The following ZFYVE28 variants were observed in gnomAD, a reference collection of about 807,000 sequenced individuals.
ZFYVE28 encodes the protein zinc finger FYVE-type containing 28.
Under a neutral mutation model 82.1 loss-of-function variants are expected in ZFYVE28, and 40 were observed. The observed-to-expected ratio is 0.49, with a 90% CI of 0.38 to 0.63. The LOEUF is 0.63. Among genes scored for constraint, ZFYVE28 ranks in the 30% least tolerant of loss-of-function variants. The pLI, the probability that ZFYVE28 is intolerant of heterozygous loss-of-function variation, is 0.00. For missense variants in ZFYVE28, 1,321 were observed against 1,242.1 expected, an observed-to-expected ratio of 1.06 and a Z score of -0.96; for synonymous variants, 612 against 546.1, an observed-to-expected ratio of 1.12 and a Z score of -1.68.
chr4:2,352,490 G>A (rs1724627242), intron 2 of ZFYVE28, among the ~76,000 whole-genome samples: 1 of 151,820 alleles, frequency 6.6e-6, no homozygotes, highest in Non-Finnish European at 1.5e-5. Flanking sequence ...CAGAGGCAGG[G>A]CCCTGGAGCG....
chr4:2,330,629 A>C, intron 6 of ZFYVE28: 2 of 1,354,706 alleles, frequency 1.5e-6, no homozygotes, highest in Non-Finnish European at 9.5e-7. Context: ...GGGACAGCAT[A>C]GAGGAGGGGA....
chr4:2,306,816 G>T (rs1457178766), intron 7 of ZFYVE28: 1 of 152,180 alleles, frequency 6.6e-6, no homozygotes, highest in Non-Finnish European at 1.5e-5. Context: ...GTTGCCATAG[G>T]TCATTCATTC....
intron 8 of ZFYVE28, among the ~76,000 whole-genome samples, chr4:2,299,317 T>G (rs996938526): frequency 2.6e-5 from 4 of 151,924 alleles, no homozygotes; most frequent in African/African-American, 9.7e-5. Context: ...CCCCCTCAAG[T>G]TGGAGTTGGA....
At chr4:2,364,532 C>G (rs1038283345) in intron 1 of ZFYVE28, 9 of 985,412 alleles carry the variant, frequency 9.1e-6, no homozygotes, top group East Asian at 1.1e-4. Context: ...ACAGCCCAGA[C>G]GCAACAGGAG....
intron 6 of ZFYVE28, among the ~76,000 whole-genome samples, chr4:2,333,876 T>C (rs114707970): frequency 0.012 from 1,787 of 152,296 alleles, 40 homozygotes; most frequent in African/African-American, 0.04. Context: ...TCAAGTGAGT[T>C]TGGCCACAGA....
Position 2,418,208 on chromosome 4 carries a change from T to G in ZFYVE28, c.39+77A>C. 3.6e-6 allele frequency: 5 copies of G among 1,390,570 alleles called. No individual in the cohort carries two copies. Among genetic ancestry groups the G allele is most frequent in the African/African-American group, 1.5e-5 (1 of 66,894 alleles). The allele number at this position is 1,390,570 out of a possible 1,614,324, so 86.1% of individuals were successfully genotyped here. A position where few individuals can be genotyped will look rare whatever the true frequency, so the allele number is the denominator to read the frequency against. ...ACGGACAGGGAAAGGGAGTCCGTCT[T>G]GTAGGGCGGACGGGCGGTCCTGGGG... is the stretch of plus-strand genomic sequence containing the variant. On this transcript the variant is annotated intron_variant, in intron 1 of 12. Transcript: ENST00000290974. This position sits in a 1 kb window ranked among gnomAD's most constrained non-coding sequence, Gnocchi z 4.6.
At position 2,349,590 on chromosome 4, in the gene ZFYVE28, G is replaced by A. The variant is rs759701978; in HGVS notation, c.180+4343C>T. ...TTCCCTGTTTCAATGATATAACTGA[G>A]TGCCTACTGTGTACTAGGCACTGGG... On this transcript the variant is annotated intron_variant, in intron 2 of 12. Transcript: ENST00000290974. Among the ~76,000 whole-genome samples the A allele has an allele frequency of 1.3e-3, 199 of 152,192 alleles. 5 individuals are homozygous for A. The highest frequency in any genetic ancestry group is 4.3e-4 in the Non-Finnish European group (29 of 68,026).
At chr4:2,406,832 G>A (rs1731974921) in intron 1 of ZFYVE28, among the ~76,000 whole-genome samples, 1 of 152,112 alleles carries the variant, frequency 6.6e-6, no homozygotes, top group South Asian at 2.1e-4. Context: ...ATCCTTTCCT[G>A]CTTTGATTGG....
rs1012591941 is a variant in ZFYVE28, at chr4:2,339,055, G to A, written c.521+398C>T. On this transcript the variant is annotated intron_variant, in intron 4 of 12. Transcript: ENST00000290974. The surrounding 1 kb of genome is among the most constrained non-coding windows in gnomAD (Gnocchi z 5.0). The stretch of plus-strand genomic sequence containing the variant: ...TCTCGATCTTCTGACCTCATGATCC[G>A]CCTGCCTCGGCCTCTCAACGTGCTG... 5.9e-5 allele frequency among the ~76,000 whole-genome samples: 9 copies of A among 152,096 alleles called. No homozygotes were observed. Among genetic ancestry groups the A allele is most frequent in the Non-Finnish European group, 8.8e-5 (6 of 68,002 alleles).
At chr4:2,276,059 T>A (rs552045970) in intron 8 of ZFYVE28, among the ~76,000 whole-genome samples, 1 of 152,252 alleles carries the variant, frequency 6.6e-6, no homozygotes, top group South Asian at 2.1e-4. Flanking sequence ...GGTATCTAAT[T>A]TAGGGACACA....
At chr4:2,318,982 C>G (rs1718642489) in intron 7 of ZFYVE28, 1 of 152,778 alleles carries the variant, frequency 6.5e-6, no homozygotes, top group African/African-American at 2.4e-5. Flanking sequence ...ATCCTCCTCT[C>G]CATCACCCAT....
intron 8 of ZFYVE28, 36 bp downstream of exon 8, chr4:2,304,253 G>A (rs772147722): frequency 1.3e-6 from 2 of 1,525,806 alleles, no homozygotes; most frequent in Non-Finnish European, 1.7e-6. Context: ...AGTGCAGAGA[G>A]GACAAACCCA....
rs1367038588 is a variant in ZFYVE28, at chr4:2,339,441, C to T, written c.521+12G>A. 6.2e-7 allele frequency: 1 copy of T among 1,612,580 alleles called. No homozygotes were observed. On this transcript the variant is annotated intron_variant, in intron 4 of 12. Coordinates refer to ENST00000290974, the MANE Select transcript of ZFYVE28 (RefSeq NM_020972.3). This position sits in a 1 kb window ranked among gnomAD's most constrained non-coding sequence, Gnocchi z 5.0. ...TCATACAGCCAGGGCTGTGGACCCA[C>T]AGCTGCAGTACCTGAGCTCAAACTC...
At position 2,369,839 on chromosome 4, in the gene ZFYVE28, T is replaced by TTTTATTTTTTTTTATTTA. The variant is rs561534155; in HGVS notation, c.40-15767_40-15766insTAAATAAAAAAAAATAAA. On this transcript the variant is annotated intron_variant, in intron 1 of 12. Transcript: ENST00000290974. ...CAGAACTTTGAAAGAAGGGATTTTT[T>TTTTATTTTTTTTTATTTA]TTTTTCTTTTCTTTTTTTTTTTTTT... Among the ~76,000 whole-genome samples the TTTTATTTTTTTTTATTTA allele has an allele frequency of 5.0e-4, 70 of 139,672 alleles. No homozygotes were observed. The East Asian group carries it at 0.014, about 28-fold the overall frequency. 91.6% of individuals were successfully genotyped at this position (139,672 alleles called of 152,430 possible).
intron 8 of ZFYVE28, among the ~76,000 whole-genome samples, chr4:2,280,144 T>C (rs989734998): frequency 6.6e-6 from 1 of 152,194 alleles, no homozygotes; most frequent in African/African-American, 2.4e-5. Context: ...CATATCCCTA[T>C]GGTGAAACAA....
chr4:2,272,489 C>T (rs111619789), intron 10 of ZFYVE28, among the ~76,000 whole-genome samples: 7 of 152,160 alleles, frequency 4.6e-5, no homozygotes, highest in South Asian at 2.1e-4. Flanking sequence ...ATAACATGTG[C>T]GCACGTGTGA....
In ZFYVE28 at chr4:2,341,104, A is replaced by T. The variant is rs1722721892; in HGVS notation, c.318+374T>A. 6.6e-6 allele frequency among the ~76,000 whole-genome samples: 1 copy of T among 151,838 alleles called. No homozygotes were observed. The highest frequency in any genetic ancestry group is 1.5e-5 in the Non-Finnish European group (1 of 67,970). On this transcript the variant is annotated intron_variant, in intron 3 of 12. Coordinates refer to ENST00000290974, the MANE Select transcript of ZFYVE28 (RefSeq NM_020972.3). The surrounding 1 kb of genome is among the most constrained non-coding windows in gnomAD (Gnocchi z 4.5). The stretch of plus-strand genomic sequence containing the variant: ...CATGTGGCCTGCGTGGGGCTGCAGC[A>T]CGGCTCCCCAGCCCCTGCTGCTGCC...
chr4:2,329,025 G>A (rs1720288277), intron 6 of ZFYVE28: 4 of 674,514 alleles, frequency 5.9e-6, no homozygotes, highest in Non-Finnish European at 1.1e-5. Context: ...TTGACTTGTA[G>A]TAAGTTTTGA....
At chr4:2,391,689 T>TA (rs1729846666) in intron 1 of ZFYVE28, among the ~76,000 whole-genome samples, 1 of 151,134 alleles carries the variant, frequency 6.6e-6, no homozygotes, top group South Asian at 2.1e-4. Flanking sequence ...CTCCTTTCTG[T>TA]ATCTATAAAT....
Sources: gnomAD v4.1 joint callset for allele counts (sites outside exome capture counted in the v4.1 genomes callset) on GRCh38, gnomAD v4.1.1 for gene constraint, Gnocchi (gnomAD v3.1) non-coding constraint, MANE v1.5 for transcripts, NCBI Gene and HGNC (gene_info 2026-07-23, HGNC 2026-07-21) for gene names.